The following TCERG1L variants were observed in gnomAD, a reference collection of about 807,000 sequenced individuals.
The protein encoded by TCERG1L is transcription elongation regulator 1 like, also known as transcription elongation regulator 1-like protein.
TCERG1L carries 37 observed loss-of-function variants against 56.3 expected under a neutral mutation model. That is an observed-to-expected ratio of 0.66 (90% CI 0.51 to 0.87). The LOEUF is 0.87. TCERG1L is among the 40% of genes least tolerant of loss of function. The pLI is 0.00. For missense variants in TCERG1L, 799 were observed against 774.2 expected (o/e 1.03, Z -0.38); for synonymous variants, 324 against 326.3 (o/e 0.99, Z 0.08).
chr10:131,136,750 C>T (rs752637560), intron 7 of TCERG1L, among the ~76,000 whole-genome samples: 12 of 151,508 alleles, frequency 7.9e-5, no homozygotes, highest in Non-Finnish European at 8.8e-5. Flanking sequence ...CCCCCCTCAG[C>T]CTTCCATAAT....
intron 3 of TCERG1L, among the ~76,000 whole-genome samples, chr10:131,297,567 A>C (rs1458662096): frequency 6.6e-6 from 1 of 152,110 alleles, no homozygotes; most frequent in Non-Finnish European, 1.5e-5. Flanking sequence ...TTTTTGTGTA[A>C]GGGTAATGGC....
chr10:131,107,151 C>T lies in TCERG1L; in HGVS notation c.1396-2797G>A, dbSNP rs144197649. ...TGACTAGTGCACCTGCCCCCGGGAG[C>T]ATCTGGGGCCGTTAGAGAAGCTATG... On this transcript the variant is annotated intron_variant, in intron 9 of 11. Transcript: ENST00000368642. 4.8e-3 allele frequency among the ~76,000 whole-genome samples: 730 copies of T among 152,206 alleles called. 7 individuals are homozygous for T. The highest frequency in any genetic ancestry group is 0.017 in the African/African-American group (690 of 41,530).
At chr10:131,203,435 C>G (rs2133477419) in intron 4 of TCERG1L, among the ~76,000 whole-genome samples, 1 of 152,272 alleles carries the variant, frequency 6.6e-6, no homozygotes, top group Admixed American at 6.5e-5. Flanking sequence ...TTTGACCAGA[C>G]AGCAAACTGC....
In TCERG1L at chr10:131,304,618, A is replaced by G. The variant is rs907418535; in HGVS notation, c.670+3593T>C. ...AGGTCTGGGAATCAATGGGTCCTAG[A>G]TAATTTCTCCATTCAACCCATTCAC... On this transcript the variant is annotated intron_variant, in intron 3 of 11. Coordinates refer to ENST00000368642, the MANE Select transcript of TCERG1L (RefSeq NM_174937.4). 5.9e-5 allele frequency among the ~76,000 whole-genome samples: 9 copies of G among 152,214 alleles called. 1 individual carries two copies. Among genetic ancestry groups the G allele is most frequent in the African/African-American group, 2.2e-4 (9 of 41,468 alleles).
At chr10:131,259,030 G>A (rs1846205575) in intron 4 of TCERG1L, among the ~76,000 whole-genome samples, 1 of 151,944 alleles carries the variant, frequency 6.6e-6, no homozygotes, top group Non-Finnish European at 1.5e-5. Context: ...CACTCTAAAT[G>A]CATGTTCACT....
chr10:131,104,143 C>T, intron 10 of TCERG1L, 122 bp downstream of exon 10: 2 of 657,154 alleles, frequency 3.0e-6, no homozygotes. Context: ...GCTCGCAAGC[C>T]ACTGGCCAAA....
chr10:131,275,253 A>G (rs1846379723), intron 3 of TCERG1L, among the ~76,000 whole-genome samples: 1 of 152,170 alleles, frequency 6.6e-6, no homozygotes, highest in Non-Finnish European at 1.5e-5. Context: ...GGGTATGAAC[A>G]AGCAGCCCTG....
intron 3 of TCERG1L, among the ~76,000 whole-genome samples, chr10:131,264,777 A>G (rs1188967993): frequency 6.6e-6 from 1 of 152,190 alleles, no homozygotes; most frequent in East Asian, 1.9e-4. Context: ...GCTTAAAGCC[A>G]CCTCCACGCT....
At chr10:131,307,183 T>G (rs776970571) in intron 3 of TCERG1L, among the ~76,000 whole-genome samples, 1 of 152,226 alleles carries the variant, frequency 6.6e-6, no homozygotes, top group Non-Finnish European at 1.5e-5. Flanking sequence ...AATGTGTGCA[T>G]GTACCATGCT....
Position 131,115,735 on chromosome 10 carries a change from C to T in TCERG1L, c.1395+1064G>A, listed in dbSNP as rs1446153420. On this transcript the variant is annotated intron_variant, in intron 9 of 11. Coordinates refer to ENST00000368642, the MANE Select transcript of TCERG1L (RefSeq NM_174937.4). ...GAGGTGTCCCTAGGGGTGGGTGGGA[C>T]CAGCTCCTTCCTCCATAAAATTCCT... is the stretch of plus-strand genomic sequence containing the variant. 4.6e-5 allele frequency among the ~76,000 whole-genome samples: 7 copies of T among 152,198 alleles called. 2 individuals are homozygous for T. Among genetic ancestry groups the T allele is most frequent in the African/African-American group, 1.7e-4 (7 of 41,518 alleles).
At chr10:131,153,329 C>A (rs2133421564) in intron 6 of TCERG1L, among the ~76,000 whole-genome samples, 1 of 152,270 alleles carries the variant, frequency 6.6e-6, no homozygotes, top group South Asian at 2.1e-4. Context: ...AGCACCTTCA[C>A]CAAAGGTCAG....
chr10:131,247,755 C>CA (rs1285202620), intron 4 of TCERG1L, among the ~76,000 whole-genome samples: 1 of 152,176 alleles, frequency 6.6e-6, no homozygotes, highest in Admixed American at 6.5e-5. Context: ...AAATGATTCT[C>CA]AAACCTGATT....
chr10:131,169,578 G>A (rs944717813), intron 4 of TCERG1L, among the ~76,000 whole-genome samples: 2 of 152,208 alleles, frequency 1.3e-5, no homozygotes, highest in African/African-American at 4.8e-5. Flanking sequence ...TGAGCCAAAA[G>A]TGAATTGGTT....
chr10:131,111,574 C>T (rs1337007279), intron 9 of TCERG1L, among the ~76,000 whole-genome samples: 1 of 142,566 alleles, frequency 7.0e-6, no homozygotes, highest in Non-Finnish European at 1.6e-5. Flanking sequence ...TGAGTGCAAA[C>T]GTCCTAAGGA....
intron 4 of TCERG1L, among the ~76,000 whole-genome samples, chr10:131,246,084 G>T (rs1846033390): frequency 6.6e-6 from 1 of 152,204 alleles, no homozygotes; most frequent in South Asian, 2.1e-4. Context: ...GAGAGCCACA[G>T]CCTTGGTTGG....
At chr10:131,128,586 G>C (rs145774297) in intron 8 of TCERG1L, among the ~76,000 whole-genome samples, 1 of 152,154 alleles carries the variant, frequency 6.6e-6, no homozygotes, top group African/African-American at 2.4e-5. Flanking sequence ...CTGGGGAACC[G>C]ATGCAGTATT....
chr10:131,194,602 T>A (rs2133466499), intron 4 of TCERG1L, among the ~76,000 whole-genome samples: 1 of 152,294 alleles, frequency 6.6e-6, no homozygotes, highest in Admixed American at 6.5e-5. Context: ...TATTGAGAAA[T>A]TTCCTCACTC....
At chr10:131,120,641 C>T (rs932537501) in intron 8 of TCERG1L, among the ~76,000 whole-genome samples, 2 of 152,348 alleles carry the variant, frequency 1.3e-5, no homozygotes, top group East Asian at 1.9e-4. Flanking sequence ...TGCCTCATCA[C>T]AGCACTACCC....
intron 4 of TCERG1L, among the ~76,000 whole-genome samples, chr10:131,193,687 C>G (rs769746818): frequency 1.3e-5 from 2 of 152,180 alleles, no homozygotes; most frequent in African/African-American, 4.8e-5. Flanking sequence ...GTACTCTGTT[C>G]CATCCATCTA....
Sources: allele counts gnomAD v4.1 joint callset (sites outside exome capture counted in the v4.1 genomes callset), GRCh38; gene constraint gnomAD v4.1.1; transcripts MANE v1.5; gene names NCBI Gene and HGNC (gene_info 2026-07-23, HGNC 2026-07-21).